The following XPO4 variants were observed in gnomAD, a reference collection of about 807,000 sequenced individuals.
XPO4 encodes the protein exportin 4.
Under a neutral mutation model 143.0 loss-of-function variants are expected in XPO4, and 39 were observed. That is an observed-to-expected ratio of 0.27 (90% CI 0.21 to 0.36). XPO4 has a LOEUF of 0.36. XPO4 is among the 10% of genes least tolerant of loss of function. The pLI, the probability that XPO4 is intolerant of heterozygous loss-of-function variation, is 1.00. For missense variants in XPO4, 907 were observed against 1,348.0 expected, an observed-to-expected ratio of 0.67 and a Z score of 5.12; for synonymous variants, 439 against 474.0, an observed-to-expected ratio of 0.93 and a Z score of 0.96.
chr13:20,785,866 A>G (rs2059194964), intron 22 of XPO4, among the ~76,000 whole-genome samples: 4 of 124,866 alleles, frequency 3.2e-5, no homozygotes, highest in South Asian at 3.5e-4. Flanking sequence ...ACGGGGGAGG[A>G]AAGGAGGGAG....
chr13:20,823,669 G>C (rs751051780), intron 7 of XPO4, among the ~76,000 whole-genome samples: 4 of 149,472 alleles, frequency 2.7e-5, no homozygotes. Context: ...TTTTTCCCCC[G>C]AAACAGAGTT....
At chr13:20,835,246 G>A (rs2059902298) in intron 6 of XPO4, among the ~76,000 whole-genome samples, 1 of 152,186 alleles carries the variant, frequency 6.6e-6, no homozygotes, top group Non-Finnish European at 1.5e-5. Flanking sequence ...TTCAAAAAAA[G>A]AGAGGACAGA....
At chr13:20,788,757 G>C in intron 19 of XPO4, 141 bp from the exon 20 acceptor site, 1 of 826,386 alleles carries the variant, frequency 1.2e-6, no homozygotes, top group Non-Finnish European at 1.7e-6. Context: ...AAAACATGAA[G>C]ACCAAATTAA....
chr13:20,885,573 A>G (rs1281906628), intron 1 of XPO4, among the ~76,000 whole-genome samples: 1 of 152,228 alleles, frequency 6.6e-6, no homozygotes, highest in Non-Finnish European at 1.5e-5. Context: ...TGGATAAAAA[A>G]GAAAATCCAA....
rs2059135186 is a variant in XPO4 at position 20,780,956 on chromosome 13, C to T, written c.*2766G>A. The T allele has an allele frequency of 6.6e-6, 1 of 151,988 alleles. No homozygotes were observed. The highest frequency in any genetic ancestry group is 2.4e-5 in the African/African-American group (1 of 41,354). 9.4% of individuals were successfully genotyped at this position (151,988 alleles called of 1,614,324 possible). On this transcript the variant is annotated 3_prime_UTR_variant, in exon 23 of 23. Transcript: ENST00000255305. ...AAGTACAAAGTCTTTAGTGATTGTG[C>T]CTTGGGAAATAAATGGGTCAAGGAA...
At chr13:20,821,532 A>G (rs1207977891) in intron 9 of XPO4, among the ~76,000 whole-genome samples, 172 bp downstream of exon 9, 1 of 152,232 alleles carries the variant, frequency 6.6e-6, no homozygotes, top group Non-Finnish European at 1.5e-5. Context: ...ATTTTAATCC[A>G]CAAATTTTTA....
chr13:20,857,871 G>A (rs866810153), intron 3 of XPO4: 73 of 985,302 alleles, frequency 7.4e-5, no homozygotes, highest in African/African-American at 6.8e-4. Flanking sequence ...AGGACATTGT[G>A]CATTTCACTG....
chr13:20,868,414 G>A (rs1211947608), intron 2 of XPO4, 182 bp downstream of exon 2: 1 of 1,008,898 alleles, frequency 9.9e-7, no homozygotes, highest in Non-Finnish European at 1.3e-6. Flanking sequence ...TAAAAACAAA[G>A]TTTCCCGTCT....
intron 1 of XPO4, among the ~76,000 whole-genome samples, chr13:20,870,674 G>A (rs1410611740): frequency 6.6e-6 from 1 of 150,602 alleles, no homozygotes; most frequent in African/African-American, 2.4e-5. Flanking sequence ...AGGTTGCAGT[G>A]AGTCAAGATC....
rs2059217669 is a variant in XPO4 at position 20,787,202 on chromosome 13, A to C, written c.3166-145T>G. On this transcript the variant is annotated intron_variant, in intron 21 of 22. Coordinates refer to ENST00000255305, the MANE Select transcript of XPO4 (RefSeq NM_022459.5). The stretch of plus-strand genomic sequence containing the variant: ...GAAATTTTCCTTAATGTTTTAAAAA[A>C]AATACCTTACAGATATTGCTACTTG... 5.1e-6 allele frequency: 4 copies of C among 780,606 alleles called. No individual in the cohort carries two copies. The South Asian group carries it at 7.8e-5, about 15-fold the overall frequency. The allele number at this position is 780,606 out of a possible 1,614,324, so 48.4% of individuals were successfully genotyped here. A position where few individuals can be genotyped will look rare whatever the true frequency, so the allele number is the denominator to read the frequency against.
chr13:20,829,990 G>T (rs1048635421), intron 6 of XPO4, among the ~76,000 whole-genome samples: 9 of 152,110 alleles, frequency 5.9e-5, no homozygotes. Context: ...AGGGAAAATG[G>T]ATATGAGTTT....
At chr13:20,807,904 T>C (rs1219830342) in intron 12 of XPO4, among the ~76,000 whole-genome samples, 1 of 152,208 alleles carries the variant, frequency 6.6e-6, no homozygotes, top group Non-Finnish European at 1.5e-5. Context: ...TTTTCAGTAC[T>C]GTATTCTGTA....
At chr13:20,896,837 TATC>T (rs1487602055) in intron 1 of XPO4, among the ~76,000 whole-genome samples, 3 of 152,240 alleles carry the variant, frequency 2.0e-5, no homozygotes, top group Admixed American at 6.5e-5. Flanking sequence ...AACTATTTGT[TATC>T]ATATTGAGAA....
intron 1 of XPO4, among the ~76,000 whole-genome samples, chr13:20,891,481 C>T (rs1013210462): frequency 7.9e-5 from 12 of 152,152 alleles, no homozygotes; most frequent in Non-Finnish European, 1.3e-4. Flanking sequence ...CTATACTAAA[C>T]ACTTTTCTTT....
rs367606656 is a variant in XPO4 at position 20,810,013 on chromosome 13, A to C, written c.1174-46T>G. 1.1e-4 allele frequency: 167 copies of C among 1,506,248 alleles called. 1 individual carries two copies. Among genetic ancestry groups the C allele is most frequent in the Non-Finnish European group, 7.1e-5 (80 of 1,118,924 alleles). 93.3% of individuals were successfully genotyped at this position (1,506,248 alleles called of 1,614,324 possible). ...TAAAACAAATGTCCAGAGAACGACA[A>C]TTGGCATAACAACAGTCATATAAAT... On this transcript the variant is annotated intron_variant, in intron 9 of 22. Transcript: ENST00000255305.
At chr13:20,806,971 T>C (rs1011837225) in intron 13 of XPO4, among the ~76,000 whole-genome samples, 2 of 152,178 alleles carry the variant, frequency 1.3e-5, no homozygotes, top group Non-Finnish European at 2.9e-5. Flanking sequence ...TCTCCTGTAT[T>C]ATAACAGGGC....
At chr13:20,806,335 C>A (rs2031353) in intron 13 of XPO4, among the ~76,000 whole-genome samples, 35,119 of 151,982 alleles carry the variant, frequency 0.23, 5,727 homozygotes, top group East Asian at 0.8. Flanking sequence ...GCCACATTTT[C>A]TATTGCATGT....
Position 20,868,596 on chromosome 13 carries a change from C to A in XPO4, c.175G>T (p.Glu59Ter). 1 of 1,611,056 alleles carries A rather than the reference C, an allele frequency of 6.2e-7. No homozygotes were observed. The highest frequency in any genetic ancestry group is 1.1e-5 in the South Asian group (1 of 90,686). The change falls in exon 2 of 23, where the codon GAA becomes TAA. Residue 59 changes from glutamate to a stop codon, truncating the protein, a stop_gained and splice_region_variant. Coordinates refer to ENST00000255305, the MANE Select transcript of XPO4 (RefSeq NM_022459.5). LOFTEE classifies it high-confidence loss of function. Reference sequence around the variant, plus strand: ...TTATATTTTTTAAGTGAATACTTACCCAAAATATGCTTGCAAACTGCAAAT... The same window carrying A: ...TTATATTTTTTAAGTGAATACTTACACAAAATATGCTTGCAAACTGCAAAT... ...SPFAVCKHIL[E>*]TSKVDYVLFQ...
At chr13:20,851,691 C>G in intron 4 of XPO4, 1 of 848,224 alleles carries the variant, frequency 1.2e-6, no homozygotes, top group Non-Finnish European at 1.4e-6. Flanking sequence ...GCCGAGGCAA[C>G]AGAGCAAGAC....
Sources: allele counts gnomAD v4.1 joint callset (sites outside exome capture counted in the v4.1 genomes callset), GRCh38; gene constraint gnomAD v4.1.1; transcripts MANE v1.5; gene names NCBI Gene and HGNC (gene_info 2026-07-23, HGNC 2026-07-21).